Variants in FGF14 observed in about 807,000 individuals in gnomAD.
FGF14 encodes the protein fibroblast growth factor 14.
Under a neutral mutation model 25.5 loss-of-function variants are expected in FGF14, and 5 were observed. That is an observed-to-expected ratio of 0.20 (90% CI 0.10 to 0.41). FGF14 has a LOEUF of 0.41. FGF14 is among the 10% of genes least tolerant of loss of function. The pLI is 1.00. For missense variants in FGF14, 222 were observed against 320.1 expected (o/e 0.69, Z 2.34); for synonymous variants, 138 against 118.3 (o/e 1.17, Z -1.08).
chr13:102,394,651 G>T (rs1014624014), intron 1 of FGF14: 2 of 152,350 alleles, frequency 1.3e-5, no homozygotes, highest in African/African-American at 4.8e-5. Flanking sequence ...CCCCCGGCGA[G>T]CCGAGGCTGG....
In FGF14 at chr13:102,056,367, T is replaced by C. The variant is rs547988935; in HGVS notation, c.209-181071A>G. ...TTGTTTTCAAAGCAAAGGCTACATT[T>C]TGTCCAATTGGTGCAAGAGTTTTCA... On this transcript the variant is annotated intron_variant, in intron 1 of 4. Coordinates refer to the FGF14 transcript ENST00000376131. Among the ~76,000 whole-genome samples, 11 of 152,332 alleles carry C rather than the reference T, an allele frequency of 7.2e-5. No homozygotes were observed. The East Asian group carries it at 2.1e-3, about 29-fold the overall frequency.
At chr13:102,385,568 ATGAAC>A (rs1290274309) in intron 1 of FGF14, among the ~76,000 whole-genome samples, 2 of 152,216 alleles carry the variant, frequency 1.3e-5, no homozygotes, top group African/African-American at 4.8e-5. Flanking sequence ...AAGCCATGAA[ATGAAC>A]TGATGTGGAT....
At chr13:102,255,348 G>A (rs1030920986) in intron 1 of FGF14, among the ~76,000 whole-genome samples, 2 of 152,108 alleles carry the variant, frequency 1.3e-5, no homozygotes, top group African/African-American at 4.8e-5. Context: ...ACCAAAAATT[G>A]TTGAAAAATA....
intron 1 of FGF14, among the ~76,000 whole-genome samples, chr13:101,957,084 A>T (rs1451761726): frequency 6.6e-6 from 1 of 152,206 alleles, no homozygotes; most frequent in Non-Finnish European, 1.5e-5. Flanking sequence ...CAGGATATAA[A>T]GATACTGAAC....
intron 3 of FGF14, among the ~76,000 whole-genome samples, chr13:101,818,425 C>T (rs567595920): frequency 1.6e-3 from 242 of 152,274 alleles, no homozygotes; most frequent in Non-Finnish European, 1.9e-3. Context: ...ATCCTCCCTC[C>T]TAGCTTCTGC....
intron 1 of FGF14, among the ~76,000 whole-genome samples, chr13:101,941,990 A>G (rs1327676370): frequency 6.6e-6 from 1 of 152,192 alleles, no homozygotes; most frequent in East Asian, 1.9e-4. Context: ...CAACTATCTT[A>G]ATAGGAATTG....
intron 1 of FGF14, among the ~76,000 whole-genome samples, chr13:101,984,168 G>A (rs950458604): frequency 6.6e-6 from 1 of 152,128 alleles, no homozygotes; most frequent in Non-Finnish European, 1.5e-5. Flanking sequence ...GCTCGAAAAT[G>A]TGACTATATT....
At chr13:102,084,255 A>AT (rs1305362753) in intron 1 of FGF14, among the ~76,000 whole-genome samples, 6 of 151,972 alleles carry the variant, frequency 3.9e-5, no homozygotes, top group South Asian at 4.2e-4. Flanking sequence ...TGCACTCATG[A>AT]TTTTTTAACA....
At chr13:102,247,518 G>C (rs977876887) in intron 1 of FGF14, among the ~76,000 whole-genome samples, 2 of 152,046 alleles carry the variant, frequency 1.3e-5, no homozygotes, top group African/African-American at 2.4e-5. Context: ...TTAGAAAAAT[G>C]TAAATCAAAA....
chr13:102,047,842 C>A (rs190823729), intron 1 of FGF14, among the ~76,000 whole-genome samples: 140 of 152,096 alleles, frequency 9.2e-4, no homozygotes, highest in African/African-American at 3.3e-3. Flanking sequence ...AAAAAATCAT[C>A]TTTACAAATA....
intron 1 of FGF14, among the ~76,000 whole-genome samples, chr13:102,067,420 T>C (rs2042948101): frequency 6.6e-6 from 1 of 151,978 alleles, no homozygotes. Context: ...AATGAGATGC[T>C]TTCTTTGCTC....
At chr13:102,010,015 G>T (rs903372654) in intron 1 of FGF14, among the ~76,000 whole-genome samples, 1 of 152,116 alleles carries the variant, frequency 6.6e-6, no homozygotes, top group Non-Finnish European at 1.5e-5. Flanking sequence ...AATATACCTA[G>T]AGAAAAATGG....
rs184714118 is a variant in FGF14 at position 101,724,208 on chromosome 13, G to A, written c.608-1241C>T. ...ATTTTCTATGTAGTGAAGTTGTATCGTCCAACAATGATAGACTGGATTAAG... is the reference window on the plus strand; with the variant it reads ...ATTTTCTATGTAGTGAAGTTGTATCATCCAACAATGATAGACTGGATTAAG... On this transcript the variant is annotated intron_variant, in intron 4 of 4. Transcript: ENST00000376143. 8.6e-4 allele frequency among the ~76,000 whole-genome samples: 131 copies of A among 152,000 alleles called. 1 individual carries two copies. Among genetic ancestry groups the A allele is most frequent in the African/African-American group, 2.7e-3 (110 of 41,458 alleles).
intron 3 of FGF14, among the ~76,000 whole-genome samples, chr13:101,861,250 C>G (rs973602101): frequency 3.3e-5 from 5 of 152,106 alleles, no homozygotes; most frequent in Non-Finnish European, 7.4e-5. Context: ...GCTTCATCAT[C>G]ATCCAATAGT....
At chr13:102,396,107 C>T (rs1380730815) in intron 1 of FGF14, among the ~76,000 whole-genome samples, 1 of 152,142 alleles carries the variant, frequency 6.6e-6, no homozygotes, top group Non-Finnish European at 1.5e-5. Context: ...CATAACTAAA[C>T]CTTGTACCTG....
At chr13:102,307,333 T>G (rs1418082912) in intron 1 of FGF14, among the ~76,000 whole-genome samples, 2 of 152,170 alleles carry the variant, frequency 1.3e-5, no homozygotes, top group African/African-American at 4.8e-5. Flanking sequence ...ACAGGAGACT[T>G]CTGACCTGCA....
chr13:102,121,021 TTAGGGACTGAG>T (rs2045701427), intron 1 of FGF14, among the ~76,000 whole-genome samples: 1 of 152,172 alleles, frequency 6.6e-6, no homozygotes, highest in Non-Finnish European at 1.5e-5. Flanking sequence ...GATCTTTAAA[TTAGGGACTGAG>T]TACTTCCGAG....
intron 1 of FGF14, among the ~76,000 whole-genome samples, chr13:102,348,014 A>G (rs1361008896): frequency 6.6e-6 from 1 of 152,156 alleles, no homozygotes; most frequent in Non-Finnish European, 1.5e-5. Context: ...GTAAAAAAAA[A>G]AAAAAAGCAA....
intron 1 of FGF14, among the ~76,000 whole-genome samples, chr13:102,389,248 GT>G (rs1241540558): frequency 1.3e-5 from 2 of 151,912 alleles, no homozygotes; most frequent in Non-Finnish European, 2.9e-5. Flanking sequence ...ATCTCCCCCA[GT>G]AACTAACATG....
Sources: allele counts gnomAD v4.1 joint callset (sites outside exome capture counted in the v4.1 genomes callset), GRCh38; gene constraint gnomAD v4.1.1; transcripts MANE v1.5; gene names NCBI Gene and HGNC (gene_info 2026-07-23, HGNC 2026-07-21).